PLXDC2: variants seen among roughly 807,000 people sequenced by gnomAD.
The protein encoded by PLXDC2 is plexin domain-containing protein 2.
PLXDC2 carries 40 observed loss-of-function variants against 68.9 expected under a neutral mutation model. The observed-to-expected ratio is 0.58, with a 90% CI of 0.45 to 0.76. PLXDC2 has a LOEUF of 0.76. PLXDC2 is among the 30% of genes least tolerant of loss of function. PLXDC2 has a pLI of 0.00. For missense variants in PLXDC2, 644 were observed against 661.9 expected, an observed-to-expected ratio of 0.97 and a Z score of 0.30; for synonymous variants, 243 against 234.2, an observed-to-expected ratio of 1.04 and a Z score of -0.34.
chr10:19,931,469 C>T (rs1020846972), intron 1 of PLXDC2, among the ~76,000 whole-genome samples: 18 of 152,172 alleles, frequency 1.2e-4, no homozygotes, highest in African/African-American at 4.3e-4. Flanking sequence ...GCATGTAAAT[C>T]ATTTGAAAAG....
intron 2 of PLXDC2, among the ~76,000 whole-genome samples, chr10:20,026,047 T>C (rs1270578669): frequency 6.6e-6 from 1 of 152,158 alleles, no homozygotes; most frequent in Non-Finnish European, 1.5e-5. Flanking sequence ...TACAAGTATA[T>C]GGAGCTCTAA....
chr10:19,949,090 G>T (rs973118565), intron 1 of PLXDC2, among the ~76,000 whole-genome samples: 2 of 118,252 alleles, frequency 1.7e-5, no homozygotes, highest in East Asian at 2.7e-4. Flanking sequence ...TTGCACCACT[G>T]CACTCCAGTC....
At chr10:19,903,292 A>G (rs61842859) in intron 1 of PLXDC2, among the ~76,000 whole-genome samples, 16,645 of 150,080 alleles carry the variant, frequency 0.11, 921 homozygotes, top group South Asian at 0.15. Context: ...TCAGCTGTGA[A>G]TCTGTGTGGT....
chr10:20,104,448 T>A (rs1192766339), intron 4 of PLXDC2, among the ~76,000 whole-genome samples: 1 of 152,178 alleles, frequency 6.6e-6, no homozygotes, highest in Non-Finnish European at 1.5e-5. Context: ...AAGAATTCCC[T>A]GAAGACTTAG....
At chr10:20,269,815 C>G (rs1056126738) in intron 13 of PLXDC2, among the ~76,000 whole-genome samples, 1 of 151,852 alleles carries the variant, frequency 6.6e-6, no homozygotes, top group Non-Finnish European at 1.5e-5. Flanking sequence ...GTCAGGAGTT[C>G]GAGACCAGCC....
chr10:19,883,034 A>G (rs1028496183), intron 1 of PLXDC2, among the ~76,000 whole-genome samples: 1 of 145,726 alleles, frequency 6.9e-6, no homozygotes, highest in African/African-American at 2.6e-5. Flanking sequence ...TCGGCTCACT[A>G]CAAGCTCCGC....
In PLXDC2 at chr10:20,285,952, G is replaced by T. The variant is rs1182896495; in HGVS notation, c.*6133G>T. The stretch of plus-strand genomic sequence containing the variant: ...AGTTGATCTAGCCTCAACTTAAATT[G>T]TAATACATCTGCCTAATTATTGTCT... On this transcript the variant is annotated 3_prime_UTR_variant, in exon 14 of 14. Coordinates refer to ENST00000377252, the MANE Select transcript of PLXDC2 (RefSeq NM_032812.9). The T allele has an allele frequency of 6.6e-6, 1 of 152,124 alleles. No individual in the cohort carries two copies. The highest frequency in any genetic ancestry group is 6.6e-5 in the Admixed American group (1 of 15,262). 9.4% of individuals were successfully genotyped at this position (152,124 alleles called of 1,614,324 possible).
intron 4 of PLXDC2, among the ~76,000 whole-genome samples, chr10:20,131,109 C>T (rs1342703549): frequency 2.0e-5 from 3 of 151,042 alleles, no homozygotes; most frequent in Non-Finnish European, 4.4e-5. Flanking sequence ...CCATGAGGTC[C>T]TGAGCATCTC....
At chr10:20,231,424 A>G (rs928597786) in intron 12 of PLXDC2, among the ~76,000 whole-genome samples, 9 of 151,584 alleles carry the variant, frequency 5.9e-5, no homozygotes, top group African/African-American at 2.2e-4. Flanking sequence ...GGAAATTTAT[A>G]GTTTTAAATG....
chr10:19,845,470 C>T (rs1836990947), intron 1 of PLXDC2, among the ~76,000 whole-genome samples: 1 of 152,134 alleles, frequency 6.6e-6, no homozygotes, highest in African/African-American at 2.4e-5. Flanking sequence ...GCGGGAAACC[C>T]TTCTCCCCAG....
chr10:20,282,731 C>T lies in PLXDC2; in HGVS notation c.*2912C>T, dbSNP rs1009933398. ...ACCTCAGGCATAAATGGCTTAAGCC[C>T]AAGAGATGGCACTGACCATAAATGG... is the stretch of plus-strand genomic sequence containing the variant. On this transcript the variant is annotated 3_prime_UTR_variant, in exon 14 of 14. Coordinates refer to ENST00000377252, the MANE Select transcript of PLXDC2 (RefSeq NM_032812.9). The T allele has an allele frequency of 6.6e-6, 1 of 152,070 alleles. No homozygotes were observed. Among genetic ancestry groups the T allele is most frequent in the Non-Finnish European group, 1.5e-5 (1 of 68,034 alleles). The allele number at this position is 152,070 out of a possible 1,614,324, so 9.4% of individuals were successfully genotyped here.
At chr10:20,033,548 A>G (rs1835534882) in intron 2 of PLXDC2, among the ~76,000 whole-genome samples, 1 of 152,180 alleles carries the variant, frequency 6.6e-6, no homozygotes. Context: ...AAGCCTCACA[A>G]TCACGGCACA....
At chr10:19,942,583 T>G (rs1833836629) in intron 1 of PLXDC2, among the ~76,000 whole-genome samples, 1 of 152,046 alleles carries the variant, frequency 6.6e-6, no homozygotes, top group Non-Finnish European at 1.5e-5. Flanking sequence ...GCCAACACGG[T>G]GAAACCCGTC....
At chr10:20,201,578 T>C (rs987261886) in intron 9 of PLXDC2, among the ~76,000 whole-genome samples, 2 of 152,040 alleles carry the variant, frequency 1.3e-5, no homozygotes, top group Non-Finnish European at 2.9e-5. Flanking sequence ...TATATTGTAA[T>C]GTAGTTAACA....
intron 1 of PLXDC2, among the ~76,000 whole-genome samples, chr10:19,869,515 T>G (rs1431237795): frequency 1.3e-5 from 2 of 149,836 alleles, no homozygotes; most frequent in Non-Finnish European, 3.0e-5. Context: ...ACCAGTACAT[T>G]AAATTTCTCT....
chr10:20,000,067 C>T lies in PLXDC2; in HGVS notation c.113-1708C>T, dbSNP rs147355745. ...TCCGATGATGCTTGCTCCAGAAAGA[C>T]TGTCAACAATTCATTCGTCCACTCA... On this transcript the variant is annotated intron_variant, in intron 1 of 13. Transcript: ENST00000377252. Among the ~76,000 whole-genome samples, 606 of 152,270 alleles carry T rather than the reference C, an allele frequency of 4.0e-3. 4 individuals carry two copies. The highest frequency in any genetic ancestry group is 0.014 in the African/African-American group (590 of 41,558).
intron 1 of PLXDC2, among the ~76,000 whole-genome samples, chr10:19,963,595 C>A (rs947720289): frequency 2.0e-5 from 3 of 152,048 alleles, no homozygotes; most frequent in South Asian, 2.1e-4. Flanking sequence ...GGCCAAAAAA[C>A]CAAACACCGC....
intron 1 of PLXDC2, among the ~76,000 whole-genome samples, chr10:19,889,445 G>C (rs1837909432): frequency 6.6e-6 from 1 of 152,090 alleles, no homozygotes; most frequent in African/African-American, 2.4e-5. Flanking sequence ...TTAATAACTT[G>C]CTGGAGCCAT....
rs1470962851 is a variant in PLXDC2 at position 20,289,429 on chromosome 10, T to C, written c.*9610T>C. On this transcript the variant is annotated 3_prime_UTR_variant, in exon 14 of 14. Transcript: ENST00000377252. ...GTTCAGCTCTTGCCTCTGTCACTAATCTTGCTTTATGAACTCCTTTGATTT... is the reference window on the plus strand; with the variant it reads ...GTTCAGCTCTTGCCTCTGTCACTAACCTTGCTTTATGAACTCCTTTGATTT... 2 of 152,242 alleles carry C rather than the reference T, an allele frequency of 1.3e-5. No individual in the cohort carries two copies. Among genetic ancestry groups the C allele is most frequent in the Non-Finnish European group, 2.9e-5 (2 of 68,042 alleles). The allele number at this position is 152,242 out of a possible 1,614,324, so 9.4% of individuals were successfully genotyped here.
Sources: gnomAD v4.1 joint callset for allele counts (sites outside exome capture counted in the v4.1 genomes callset) on GRCh38, gnomAD v4.1.1 for gene constraint, MANE v1.5 for transcripts, NCBI Gene and HGNC (gene_info 2026-07-23, HGNC 2026-07-21) for gene names.